SEMA3E: variants seen among roughly 807,000 people sequenced by gnomAD.
SEMA3E encodes semaphorin 3E, also known as semaphorin-3E.
A neutral mutation model predicts 93.6 loss-of-function variants in SEMA3E; 49 were observed. The ratio of observed to expected loss-of-function variants is 0.52; its 90% CI spans 0.42 to 0.66. SEMA3E has a LOEUF of 0.66. SEMA3E is among the 30% of genes least tolerant of loss of function. The probability of loss-of-function intolerance (pLI) is 0.00; values close to 1 mark genes in which losing one functional copy is unlikely to be tolerated. For synonymous variants in SEMA3E, 363 were observed against 330.7 expected (o/e 1.10, Z -1.06); for missense variants, 906 against 964.8 (o/e 0.94, Z 0.81).
intron 9 of SEMA3E, among the ~76,000 whole-genome samples, chr7:83,405,244 C>T (rs1162428493): frequency 6.6e-6 from 1 of 151,842 alleles, no homozygotes; most frequent in Admixed American, 6.6e-5. Context: ...TAAACAGAAA[C>T]AAGATTTGGA....
intron 14 of SEMA3E, among the ~76,000 whole-genome samples, chr7:83,389,977 A>ATACGCGTATATATGTGTATACG (rs1263000433): frequency 8.7e-6 from 1 of 115,434 alleles, no homozygotes; most frequent in Non-Finnish European, 2.0e-5. Context: ...GTATACACAT[A>ATACGCGTATATATGTGTATACG]TATACGCGTA....
At chr7:83,444,884 T>C (rs1472514689) in intron 4 of SEMA3E, among the ~76,000 whole-genome samples, 2 of 152,170 alleles carry the variant, frequency 1.3e-5, no homozygotes, top group Non-Finnish European at 2.9e-5. Context: ...TTGGCCAGGC[T>C]GGTCTCAAAC....
chr7:83,566,762 C>T (rs1038674292), intron 1 of SEMA3E, among the ~76,000 whole-genome samples: 1 of 152,216 alleles, frequency 6.6e-6, no homozygotes, highest in East Asian at 1.9e-4. Context: ...AAGTTTAAAA[C>T]CCACTGCCAG....
chr7:83,612,054 C>T (rs1302300868), intron 1 of SEMA3E, among the ~76,000 whole-genome samples: 1 of 152,104 alleles, frequency 6.6e-6, no homozygotes, highest in Non-Finnish European at 1.5e-5. Flanking sequence ...GTCTCTCTGT[C>T]CACAATGCTT....
chr7:83,561,620 G>A (rs1792031383), intron 1 of SEMA3E, among the ~76,000 whole-genome samples: 1 of 151,850 alleles, frequency 6.6e-6, no homozygotes, highest in Non-Finnish European at 1.5e-5. Context: ...AATCTCATGC[G>A]CTCTCATAGT....
At chr7:83,444,650 G>T (rs1016272781) in intron 4 of SEMA3E, among the ~76,000 whole-genome samples, 1 of 150,964 alleles carries the variant, frequency 6.6e-6, no homozygotes, top group Non-Finnish European at 1.5e-5. Flanking sequence ...CATTTAAAAG[G>T]CTAGGAAGGC....
chr7:83,575,213 C>T (rs907380498), intron 1 of SEMA3E, among the ~76,000 whole-genome samples: 3 of 151,616 alleles, frequency 2.0e-5, no homozygotes, highest in Non-Finnish European at 2.9e-5. Context: ...ACTCCCACCA[C>T]CTACCCCCAG....
chr7:83,372,195 T>G (rs1056924331), intron 16 of SEMA3E: 7 of 397,806 alleles, frequency 1.8e-5, no homozygotes, highest in Middle Eastern at 1.3e-3. Flanking sequence ...CAATAATAAT[T>G]TGAATAAGAA....
At chr7:83,616,599 A>G in intron 1 of SEMA3E, 1 of 358,298 alleles carries the variant, frequency 2.8e-6, no homozygotes, top group Non-Finnish European at 5.5e-6. Context: ...TAAAACTTCT[A>G]CTTTATTCTT....
At chr7:83,633,273 G>A (rs1009219239) in intron 1 of SEMA3E, among the ~76,000 whole-genome samples, 2 of 151,810 alleles carry the variant, frequency 1.3e-5, no homozygotes, top group African/African-American at 2.4e-5. Context: ...CTATGTGCCA[G>A]GCACTACTCT....
At chr7:83,615,267 C>T (rs1396091275) in intron 1 of SEMA3E, among the ~76,000 whole-genome samples, 5 of 152,100 alleles carry the variant, frequency 3.3e-5, no homozygotes, top group African/African-American at 9.7e-5. Context: ...TTTGATTCCT[C>T]CAAATAATTC....
At chr7:83,497,059 G>C (rs1790502805) in intron 1 of SEMA3E, among the ~76,000 whole-genome samples, 1 of 152,094 alleles carries the variant, frequency 6.6e-6, no homozygotes. Flanking sequence ...ATTTTCTAAA[G>C]AGGGAACTAA....
intron 1 of SEMA3E, among the ~76,000 whole-genome samples, chr7:83,534,278 G>A (rs1050194971): frequency 6.6e-6 from 1 of 152,080 alleles, no homozygotes; most frequent in African/African-American, 2.4e-5. Context: ...TTGGGAGCAA[G>A]GCTCAGGCAT....
At chr7:83,436,459 G>T (rs537189015) in intron 4 of SEMA3E, among the ~76,000 whole-genome samples, 1 of 151,330 alleles carries the variant, frequency 6.6e-6, no homozygotes, top group East Asian at 1.9e-4. Flanking sequence ...CCTCAATTTC[G>T]TTACTTGTTA....
chr7:83,384,479 T>C (rs1787841580), intron 16 of SEMA3E, among the ~76,000 whole-genome samples: 1 of 80,230 alleles, frequency 1.2e-5, no homozygotes, highest in South Asian at 6.4e-4. Flanking sequence ...ATATTATTTC[T>C]CCTTCTAAAA....
chr7:83,565,648 T>C (rs1792132066), intron 1 of SEMA3E, among the ~76,000 whole-genome samples: 1 of 152,210 alleles, frequency 6.6e-6, no homozygotes, highest in African/African-American at 2.4e-5. Flanking sequence ...AGAACATATA[T>C]TTAATATACA....
At chr7:83,456,366 C>T (rs1789476796) in intron 4 of SEMA3E, among the ~76,000 whole-genome samples, 1 of 151,972 alleles carries the variant, frequency 6.6e-6, no homozygotes, top group South Asian at 2.1e-4. Flanking sequence ...TTAAAAAGTG[C>T]TCTGAGACTT....
rs75815451 is a variant in SEMA3E at position 83,416,211 on chromosome 7, T to A, written c.550+2179A>T. Among the ~76,000 whole-genome samples, 415 of 152,216 alleles carry A rather than the reference T, an allele frequency of 2.7e-3. 2 individuals are homozygous for A. The highest frequency in any genetic ancestry group is 8.4e-3 in the African/African-American group (349 of 41,554). On this transcript the variant is annotated intron_variant, in intron 5 of 16. Transcript: ENST00000643230. ...TGTGAAGAATTATATTTTTATTTCT[T>A]CTCTTTGGAGGGATTATTCTATAAC...
chr7:83,390,024 T>C (rs1200355503), intron 14 of SEMA3E, among the ~76,000 whole-genome samples: 3 of 146,200 alleles, frequency 2.1e-5, no homozygotes, highest in East Asian at 2.1e-4. Context: ...CGCGTATATG[T>C]GTATACGTAT....
Sources: allele counts gnomAD v4.1 joint callset (sites outside exome capture counted in the v4.1 genomes callset), GRCh38; gene constraint gnomAD v4.1.1; transcripts MANE v1.5; gene names NCBI Gene and HGNC (gene_info 2026-07-23, HGNC 2026-07-21).